The following APPL2 variants were observed in gnomAD, a reference collection of about 807,000 sequenced individuals.
APPL2 encodes DCC-interacting protein 13-beta.
A neutral mutation model predicts 92.7 loss-of-function variants in APPL2; 84 were observed. The observed-to-expected ratio is 0.91, with a 90% CI of 0.76 to 1.09. The LOEUF (loss-of-function observed/expected upper bound fraction) is 1.09. Among genes scored for constraint, APPL2 ranks in the 50% least tolerant of loss-of-function variants. APPL2 has a pLI of 0.00. For missense variants in APPL2, 736 were observed against 824.5 expected, an observed-to-expected ratio of 0.89 and a Z score of 1.31; for synonymous variants, 291 against 291.0, an observed-to-expected ratio of 1.00 and a Z score of 0.00.
intron 14 of APPL2, among the ~76,000 whole-genome samples, chr12:105,193,725 T>G (rs950816124): frequency 1.1e-4 from 17 of 152,234 alleles, no homozygotes; most frequent in Non-Finnish European, 4.4e-5. Context: ...CTCCTCTTTT[T>G]TAAAAACATT....
At chr12:105,200,043 C>T (rs1211457125) in intron 9 of APPL2, among the ~76,000 whole-genome samples, 1 of 151,608 alleles carries the variant, frequency 6.6e-6, no homozygotes, top group African/African-American at 2.4e-5. Flanking sequence ...ACCGTGTTCG[C>T]CAGGACGGTC....
At chr12:105,231,472 C>A (rs1444885072) in intron 1 of APPL2, among the ~76,000 whole-genome samples, 1 of 152,212 alleles carries the variant, frequency 6.6e-6, no homozygotes, top group Non-Finnish European at 1.5e-5. Flanking sequence ...GTTCCATTAA[C>A]TTCATTTTAC....
intron 5 of APPL2, among the ~76,000 whole-genome samples, chr12:105,210,577 AC>A (rs1252898034): frequency 3.3e-5 from 5 of 152,164 alleles, no homozygotes; most frequent in Admixed American, 1.3e-4. Context: ...TTTTGTGACT[AC>A]TTTGATTTCT....
chr12:105,211,216 C>G lies in APPL2; in HGVS notation c.373+14G>C, dbSNP rs1246178431. ...TATTTTGAAGGTAACTGGCATTGAA[C>G]TCAGTTACTTTACCTGTGAGATCCT... On this transcript the variant is annotated intron_variant, in intron 5 of 20. Transcript: ENST00000258530. The G allele has an allele frequency of 1.2e-5, 19 of 1,566,272 alleles. No homozygotes were observed. Among genetic ancestry groups the G allele is most frequent in the Non-Finnish European group, 1.7e-5 (19 of 1,137,332 alleles).
chr12:105,184,371 G>C (rs1886400397), intron 17 of APPL2, among the ~76,000 whole-genome samples: 1 of 152,178 alleles, frequency 6.6e-6, no homozygotes, highest in East Asian at 1.9e-4. Context: ...GCCTTTCTGT[G>C]CTGCTTTTTC....
At position 105,189,834 on chromosome 12, in the gene APPL2, T is replaced by C. The variant is rs768740153; in HGVS notation, c.1407-10A>G. On this transcript the variant is annotated splice_polypyrimidine_tract_variant and intron_variant, in intron 15 of 20. Coordinates refer to ENST00000258530, the MANE Select transcript of APPL2 (RefSeq NM_018171.5). ...AAAAGGGTTGGTACGCCTAGGGGAA[T>C]AGCCAGAGTTGAACAAACACGACAG... 3.7e-6 allele frequency: 6 copies of C among 1,614,050 alleles called. No homozygotes were observed. In the South Asian group the frequency reaches 4.4e-5, roughly 12 times the overall value.
At chr12:105,214,229 C>T (rs1475912900) in intron 4 of APPL2, among the ~76,000 whole-genome samples, 1 of 152,194 alleles carries the variant, frequency 6.6e-6, no homozygotes, top group African/African-American at 2.4e-5. Context: ...CCTTTGGGAA[C>T]TATTCACTCC....
chr12:105,227,363 C>T (rs1890591038), intron 2 of APPL2, among the ~76,000 whole-genome samples: 1 of 152,188 alleles, frequency 6.6e-6, no homozygotes, highest in Admixed American at 6.5e-5. Flanking sequence ...GCCCTGTACT[C>T]TGGATCTGAA....
At chr12:105,206,164 T>C (rs1888683859) in intron 8 of APPL2, among the ~76,000 whole-genome samples, 1 of 152,246 alleles carries the variant, frequency 6.6e-6, no homozygotes, top group Non-Finnish European at 1.5e-5. Context: ...CATTCCCCTT[T>C]TTGTTGAATG....
intron 9 of APPL2, among the ~76,000 whole-genome samples, chr12:105,200,303 T>C (rs1158793906): frequency 6.6e-6 from 1 of 152,214 alleles, no homozygotes; most frequent in Non-Finnish European, 1.5e-5. Flanking sequence ...CCTCCCCTGC[T>C]CTTGGTTTAG....
chr12:105,215,070 T>C (rs1402159303), intron 4 of APPL2, among the ~76,000 whole-genome samples: 1 of 152,172 alleles, frequency 6.6e-6, no homozygotes. Context: ...TAATATCCTT[T>C]ATAATAAAGG....
In APPL2 at chr12:105,190,161, G is replaced by A; in HGVS notation, c.1242-6C>T. The A allele has an allele frequency of 6.2e-7, 1 of 1,610,854 alleles. No homozygotes were observed. ...CTGAATTTTTCAGGTTCTGGCTGAA[G>A]GGGAAAAAAATCAATTCCCTTAACC... On this transcript the variant is annotated splice_polypyrimidine_tract_variant and splice_region_variant and intron_variant, in intron 14 of 20. Coordinates refer to ENST00000258530, the MANE Select transcript of APPL2 (RefSeq NM_018171.5).
intron 1 of APPL2, among the ~76,000 whole-genome samples, chr12:105,230,773 C>A (rs1890863598): frequency 6.6e-6 from 1 of 152,234 alleles, no homozygotes; most frequent in South Asian, 2.1e-4. Context: ...CCGCTTTGCC[C>A]AGTCTTCCGG....
At chr12:105,182,208 T>C (rs1886176838) in intron 17 of APPL2, among the ~76,000 whole-genome samples, 1 of 152,198 alleles carries the variant, frequency 6.6e-6, no homozygotes, top group African/African-American at 2.4e-5. Flanking sequence ...TTTGTATTTT[T>C]AGTAGAGACA....
At chr12:105,233,253 T>G in intron 1 of APPL2, 21 of 985,382 alleles carry the variant, frequency 2.1e-5, no homozygotes, top group Non-Finnish European at 2.5e-5. Flanking sequence ...CTTATTTATC[T>G]TCACATTCCC....
At chr12:105,199,609 C>T in intron 9 of APPL2, 78 bp from the exon 10 acceptor site, 1 of 1,490,908 alleles carries the variant, frequency 6.7e-7, no homozygotes, top group Non-Finnish European at 9.1e-7. Context: ...GCAGCCATCA[C>T]TCCACCCCCG....
chr12:105,203,927 A>G, intron 8 of APPL2, 142 bp from the exon 9 acceptor site: 1 of 665,844 alleles, frequency 1.5e-6, no homozygotes, highest in Non-Finnish European at 2.6e-6. Context: ...ATCTCTACTG[A>G]GTCTACACCT....
At chr12:105,233,011 G>T in intron 1 of APPL2, 1 of 832,520 alleles carries the variant, frequency 1.2e-6, no homozygotes, top group Non-Finnish European at 1.4e-6. Context: ...TATGCCAATC[G>T]CAAAAGAAAC....
chr12:105,189,763 G>A lies in APPL2; in HGVS notation c.1459+9C>T. On this transcript the variant is annotated intron_variant, in intron 16 of 20. Transcript: ENST00000258530. ...AGGAAAGAATAAGGACACCAAACTA[G>A]TCACTTACCTTCTGCTTCTGGAAAT... 1 of 1,613,956 alleles carries A rather than the reference G, an allele frequency of 6.2e-7. No homozygotes were observed. Among genetic ancestry groups the A allele is most frequent in the Admixed American group, 1.7e-5 (1 of 60,020 alleles).
Sources: gnomAD v4.1 joint callset for allele counts (sites outside exome capture counted in the v4.1 genomes callset) on GRCh38, gnomAD v4.1.1 for gene constraint, MANE v1.5 for transcripts, NCBI Gene and HGNC (gene_info 2026-07-23, HGNC 2026-07-21) for gene names.